The following IFT74 variants were observed in gnomAD, a reference collection of about 807,000 sequenced individuals.
IFT74 encodes the protein intraflagellar transport 74, also known as intraflagellar transport protein 74 homolog.
Under a neutral mutation model 96.7 loss-of-function variants are expected in IFT74, and 92 were observed. That is an observed-to-expected ratio of 0.95 (90% CI 0.80 to 1.13). The LOEUF is 1.13. IFT74 is among the 50% of genes most tolerant of loss of function. IFT74 has a pLI of 0.00. For synonymous variants in IFT74, 223 were observed against 213.2 expected, an observed-to-expected ratio of 1.05 and a Z score of -0.40; for missense variants, 811 against 698.2, an observed-to-expected ratio of 1.16 and a Z score of -1.82.
At chr9:27,000,728 G>A (rs1366114008) in intron 8 of IFT74, among the ~76,000 whole-genome samples, 1 of 152,146 alleles carries the variant, frequency 6.6e-6, no homozygotes, top group Non-Finnish European at 1.5e-5. Context: ...TGGATGCTGG[G>A]CTTAATACCT....
At chr9:27,028,964 C>G in intron 12 of IFT74, 61 bp from the exon 13 acceptor site, 1 of 1,415,746 alleles carries the variant, frequency 7.1e-7, no homozygotes, top group Non-Finnish European at 9.7e-7. Context: ...ACCTCCCCAT[C>G]AATTGTTTTT....
chr9:27,056,056 A>G (rs996070435), intron 17 of IFT74, among the ~76,000 whole-genome samples: 8 of 152,072 alleles, frequency 5.3e-5, no homozygotes, highest in Non-Finnish European at 4.4e-5. Context: ...ACTCTATCCT[A>G]CCTGAAACTT....
chr9:27,062,803 C>CA lies in IFT74; in HGVS notation c.*67_*68insA. On this transcript the variant is annotated 3_prime_UTR_variant, in exon 20 of 20. Transcript: ENST00000380062. ...TGCTAAACTTGGTACAAGTTGACTA[C>CA]CAAAAAAAAAAAAAGCTTACTTTTG... The CA allele has an allele frequency of 3.8e-6, 3 of 794,584 alleles. No homozygotes were observed. The highest frequency in any genetic ancestry group is 1.9e-5 in the African/African-American group (1 of 53,874). The allele number at this position is 794,584 out of a possible 1,614,324, so 49.2% of individuals were successfully genotyped here.
intron 9 of IFT74, 127 bp downstream of exon 9, chr9:27,009,285 C>A (rs1442481194): frequency 2.7e-6 from 2 of 743,454 alleles, no homozygotes; most frequent in East Asian, 2.6e-5. Context: ...TTCATTTTAA[C>A]AAGGTCCCCA....
upstream of IFT74, among the ~76,000 whole-genome samples, chr9:26,955,599 A>G (rs1274224170): frequency 6.6e-6 from 1 of 152,172 alleles, no homozygotes; most frequent in East Asian, 1.9e-4. Context: ...AGATAATTAC[A>G]TGAAAATGTT....
chr9:27,018,558 A>G (rs1057477212), intron 11 of IFT74, 89 bp from the exon 12 acceptor site: 5 of 626,878 alleles, frequency 8.0e-6, no homozygotes, highest in Non-Finnish European at 1.4e-5. Flanking sequence ...ACACTTTAGT[A>G]CAATTGTACT....
intron 19 of IFT74, 45 bp downstream of exon 19, chr9:27,060,696 T>A: frequency 7.0e-7 from 1 of 1,436,904 alleles, no homozygotes. Context: ...CGGTGGCTCA[T>A]GCCTATAGTC....
intron 10 of IFT74, among the ~76,000 whole-genome samples, chr9:27,015,192 C>T (rs1275587349): frequency 6.6e-6 from 1 of 152,108 alleles, no homozygotes; most frequent in Non-Finnish European, 1.5e-5. Context: ...ATCTGCATTT[C>T]TTCTATGTCT....
intron 1 of IFT74, among the ~76,000 whole-genome samples, chr9:26,961,225 G>C (rs55870543): frequency 0.089 from 13,520 of 151,508 alleles, 1,649 homozygotes; most frequent in East Asian, 0.65. Flanking sequence ...TGAGTAGCTG[G>C]TACTACAGGC....
chr9:26,984,652 C>G (rs750873740), intron 6 of IFT74, 93 bp downstream of exon 6: 45 of 931,264 alleles, frequency 4.8e-5, no homozygotes, highest in Non-Finnish European at 7.1e-5. Context: ...AGGACATGCA[C>G]AGATACTTTT....
intron 8 of IFT74, chr9:26,995,811 C>T (rs537885338): frequency 9.5e-5 from 152 of 1,607,166 alleles, no homozygotes; most frequent in Non-Finnish European, 1.1e-4. Flanking sequence ...ACAACAACAC[C>T]AACAAGAAAA....
intron 14 of IFT74, among the ~76,000 whole-genome samples, chr9:27,046,393 A>G (rs1482158500): frequency 2.0e-5 from 3 of 152,186 alleles, no homozygotes; most frequent in Non-Finnish European, 4.4e-5. Context: ...AAGGCAAGCT[A>G]TTGATGTTAT....
At chr9:26,976,199 C>T (rs1191570344) in intron 2 of IFT74, among the ~76,000 whole-genome samples, 2 of 152,132 alleles carry the variant, frequency 1.3e-5, no homozygotes, top group East Asian at 1.9e-4. Flanking sequence ...CAGTGGGACA[C>T]GTCTCCCCCT....
At position 27,060,602 on chromosome 9, in the gene IFT74, G is replaced by A. The variant is rs750049292; in HGVS notation, c.1635G>A (p.Leu545=). ...TTTTATGTTTTTAGCTTACAAATTTGGAGAGAAAGTGGCAACACCTTGAGC... is the reference window on the plus strand; with the variant it reads ...TTTTATGTTTTTAGCTTACAAATTTAGAGAGAAAGTGGCAACACCTTGAGC... ...ENETHSQLTN[L]ERKWQHLEQN... is the part of the protein sequence containing the mutation. The change falls in exon 19 of 20, where the codon TTG becomes TTA. Residue 545 remains leucine, a synonymous_variant. Transcript: ENST00000380062. 26 of 1,592,108 alleles carry A rather than the reference G, an allele frequency of 1.6e-5. No homozygotes were observed. The Admixed American group carries it at 1.7e-4, about 10-fold the overall frequency.
chr9:27,031,672 T>C (rs1830130085), intron 13 of IFT74, among the ~76,000 whole-genome samples: 1 of 145,396 alleles, frequency 6.9e-6, no homozygotes, highest in Non-Finnish European at 1.5e-5. Context: ...ACAACATAGC[T>C]CACTGCAGCC....
intron 16 of IFT74, among the ~76,000 whole-genome samples, chr9:27,050,897 T>A (rs1167499454): frequency 2.6e-5 from 4 of 151,958 alleles, no homozygotes; most frequent in African/African-American, 7.2e-5. Flanking sequence ...TATATATATA[T>A]AAAAGATTTT....
intron 7 of IFT74, among the ~76,000 whole-genome samples, chr9:26,989,624 C>G (rs1332929554): frequency 6.6e-6 from 1 of 152,068 alleles, no homozygotes; most frequent in Non-Finnish European, 1.5e-5. Context: ...AGAGAATTCA[C>G]TAATTAAGAA....
intron 13 of IFT74, chr9:27,036,937 G>C: frequency 3.2e-6 from 2 of 629,648 alleles, no homozygotes; most frequent in Non-Finnish European, 4.0e-6. Context: ...TGCAGAGACT[G>C]GTCGGGCACA....
chr9:27,018,706 G>T lies in IFT74; in HGVS notation c.974+19G>T. On this transcript the variant is annotated intron_variant, in intron 12 of 19. Transcript: ENST00000380062. ...AAAGACAGTAAGTATCTTTATACTA[G>T]GACATTTTACATCCATTTCTCACTT... 6.9e-7 allele frequency: 1 copy of T among 1,440,574 alleles called. No individual in the cohort carries two copies. Among genetic ancestry groups the T allele is most frequent in the East Asian group, 2.3e-5 (1 of 42,694 alleles). The allele number at this position is 1,440,574 out of a possible 1,614,324, so 89.2% of individuals were successfully genotyped here. A position where few individuals can be genotyped will look rare whatever the true frequency, so the allele number is the denominator to read the frequency against.
Sources: gnomAD v4.1 joint callset for allele counts (sites outside exome capture counted in the v4.1 genomes callset) on GRCh38, gnomAD v4.1.1 for gene constraint, MANE v1.5 for transcripts, NCBI Gene and HGNC (gene_info 2026-07-23, HGNC 2026-07-21) for gene names.